The following KCTD1 variants were observed in gnomAD, a reference collection of about 807,000 sequenced individuals.
The protein encoded by KCTD1 is potassium channel tetramerization domain containing 1, also known as BTB/POZ domain-containing protein KCTD1.
Under a neutral mutation model 66.0 loss-of-function variants are expected in KCTD1, and 24 were observed. The ratio of observed to expected loss-of-function variants is 0.36; its 90% confidence interval spans 0.26 to 0.51. KCTD1 has a LOEUF of 0.51. Among genes scored for constraint, KCTD1 ranks in the 20% least tolerant of loss-of-function variants. The pLI, the probability that KCTD1 is intolerant of heterozygous loss-of-function variation, is 0.95. For missense variants in KCTD1, 943 were observed against 1,205.2 expected, an observed-to-expected ratio of 0.78 and a Z score of 3.22; for synonymous variants, 511 against 517.2, an observed-to-expected ratio of 0.99 and a Z score of 0.16.
At chr18:26,489,986 G>A (rs77593929) in intron 2 of KCTD1, among the ~76,000 whole-genome samples, 5,181 of 152,156 alleles carry the variant, frequency 0.034, 115 homozygotes, top group Middle Eastern at 0.054. Context: ...CTCGAAATAC[G>A]ATGAAAAAAC....
intron 1 of KCTD1, among the ~76,000 whole-genome samples, chr18:26,539,077 C>G (rs1191873879): frequency 6.6e-6 from 1 of 152,214 alleles, no homozygotes; most frequent in Non-Finnish European, 1.5e-5. Flanking sequence ...GTTCTATCAT[C>G]TTCTCTTTAT....
chr18:26,465,401 A>G (rs1323443625), intron 3 of KCTD1, among the ~76,000 whole-genome samples: 1 of 152,086 alleles, frequency 6.6e-6, no homozygotes, highest in Non-Finnish European at 1.5e-5. Flanking sequence ...TCTTTTCTTC[A>G]AAGCCTGGAG....
At chr18:26,654,762 A>G (rs150543287) in intron 1 of KCTD1, among the ~76,000 whole-genome samples, 138 of 152,314 alleles carry the variant, frequency 9.1e-4, no homozygotes, top group African/African-American at 3.2e-3. Context: ...TTTCTCCGTG[A>G]TGCAAAGTTT....
At chr18:26,655,604 A>C (rs577796260) in intron 1 of KCTD1, 5 of 152,382 alleles carry the variant, frequency 3.3e-5, no homozygotes, top group Middle Eastern at 3.4e-3. Context: ...GATCCTGGAC[A>C]GTTCTGGTGT....
At chr18:26,580,136 C>A (rs1259636506) in intron 1 of KCTD1, among the ~76,000 whole-genome samples, 1 of 152,118 alleles carries the variant, frequency 6.6e-6, no homozygotes, top group Non-Finnish European at 1.5e-5. Flanking sequence ...TATTGAGCAC[C>A]CACCCTGTGC....
intron 1 of KCTD1, among the ~76,000 whole-genome samples, chr18:26,596,133 T>C (rs1986759991): frequency 6.6e-6 from 1 of 152,194 alleles, no homozygotes. Context: ...CAGATTCATG[T>C]GTTGAAGCCC....
At chr18:26,624,004 G>C (rs1247722755) in intron 1 of KCTD1, among the ~76,000 whole-genome samples, 2 of 152,182 alleles carry the variant, frequency 1.3e-5, no homozygotes, top group Admixed American at 1.3e-4. Context: ...GAACTTGTTG[G>C]GAACTGAAAC....
At chr18:26,521,235 T>G (rs1983895844) in intron 1 of KCTD1, among the ~76,000 whole-genome samples, 1 of 152,202 alleles carries the variant, frequency 6.6e-6, no homozygotes, top group Admixed American at 6.5e-5. Flanking sequence ...CCAGGTGGCA[T>G]TTAGGGGTGC....
At chr18:26,599,503 A>C in intron 1 of KCTD1, 1 of 1,597,310 alleles carries the variant, frequency 6.3e-7, no homozygotes, top group South Asian at 1.1e-5. Context: ...GATGAGCTTC[A>C]AGGTTAACTG....
At chr18:26,508,501 T>G (rs1983163721) in intron 1 of KCTD1, among the ~76,000 whole-genome samples, 1 of 152,208 alleles carries the variant, frequency 6.6e-6, no homozygotes, top group African/African-American at 2.4e-5. Context: ...GTCCCTGTCT[T>G]ATGTCACGTT....
At chr18:26,620,692 T>C (rs1274468925) in intron 1 of KCTD1, among the ~76,000 whole-genome samples, 3 of 152,046 alleles carry the variant, frequency 2.0e-5, no homozygotes, top group African/African-American at 7.2e-5. Flanking sequence ...GGCCCCGGCC[T>C]CCCAAAGTGC....
chr18:26,549,598 C>A (rs1462777975), upstream of KCTD1: 1 of 771,604 alleles, frequency 1.3e-6, no homozygotes, highest in Non-Finnish European at 1.6e-6. Flanking sequence ...CTCCCTCGGG[C>A]GAGGCGCTCC....
At chr18:26,502,381 C>T (rs910281092) in intron 1 of KCTD1, among the ~76,000 whole-genome samples, 3 of 152,144 alleles carry the variant, frequency 2.0e-5, no homozygotes, top group African/African-American at 7.2e-5. Flanking sequence ...GTTGTAGAAA[C>T]AGGGTTTTTC....
chr18:26,627,549 G>C (rs1330416758), intron 1 of KCTD1, among the ~76,000 whole-genome samples: 1 of 152,096 alleles, frequency 6.6e-6, no homozygotes, highest in Admixed American at 6.5e-5. Flanking sequence ...ATTGGTCATG[G>C]TTCCAGAAAA....
chr18:26,464,302 T>A lies in KCTD1; in HGVS notation c.2134-4377A>T, dbSNP rs1169737215. ...GAGGCTGCGAGAATTCCTTGGCCCA[T>A]GGCCAGCAAGCACATCACTTCTCTC... On this transcript the variant is annotated intron_variant, in intron 3 of 4. Transcript: ENST00000580059. Among the ~76,000 whole-genome samples, 7 of 152,232 alleles carry A rather than the reference T, an allele frequency of 4.6e-5. No homozygotes were observed. The East Asian group carries it at 1.3e-3, about 29-fold the overall frequency.
rs576682427 is a variant in KCTD1, at chr18:26,525,411, A to G, written c.1809+21317T>C. ...GGATGTGATTACCTTTTGTGAGCCA[A>G]TATTCAATAATTCCCCACAGCCTCC... is the stretch of plus-strand genomic sequence containing the variant. On this transcript the variant is annotated intron_variant, in intron 1 of 4. Transcript: ENST00000580059. 3.3e-5 allele frequency among the ~76,000 whole-genome samples: 5 copies of G among 152,314 alleles called. 1 individual carries two copies. In the South Asian group the frequency reaches 1.0e-3, roughly 32 times the overall value.
intron 1 of KCTD1, among the ~76,000 whole-genome samples, chr18:26,509,976 C>T (rs1983252986): frequency 1.3e-5 from 2 of 152,222 alleles, no homozygotes; most frequent in African/African-American, 4.8e-5. Context: ...TTTGGGAAGA[C>T]ATCTAACAGA....
chr18:26,656,720 G>A (rs1389279251), intron 1 of KCTD1, among the ~76,000 whole-genome samples: 3 of 151,468 alleles, frequency 2.0e-5, no homozygotes, highest in African/African-American at 7.3e-5. Context: ...GGGGCGGCGG[G>A]GCCCCTACCC....
At chr18:26,524,859 A>G (rs975405793) in intron 1 of KCTD1, among the ~76,000 whole-genome samples, 17 of 152,320 alleles carry the variant, frequency 1.1e-4, no homozygotes, top group South Asian at 1.0e-3. Context: ...AAAAAAATCT[A>G]AAGGCACAAA....
Sources: gnomAD v4.1 joint callset for allele counts (sites outside exome capture counted in the v4.1 genomes callset) on GRCh38, gnomAD v4.1.1 for gene constraint, MANE v1.5 for transcripts, NCBI Gene and HGNC (gene_info 2026-07-23, HGNC 2026-07-21) for gene names.